The following SGCZ variants were observed in gnomAD, a reference collection of about 807,000 sequenced individuals.
SGCZ encodes the protein zeta-sarcoglycan.
A neutral mutation model predicts 41.3 loss-of-function variants in SGCZ; 40 were observed. The ratio of observed to expected loss-of-function variants is 0.97; its 90% CI spans 0.75 to 1.26. The LOEUF is 1.26. Ranked by LOEUF, SGCZ falls within the 50% of genes most tolerant of loss-of-function variation. SGCZ has a pLI of 0.00. For synonymous variants in SGCZ, 206 were observed against 137.5 expected (o/e 1.50, Z -3.49); for missense variants, 552 against 369.8 (o/e 1.49, Z -4.04).
At chr8:14,363,980 ACTC>A (rs1397081711) in intron 2 of SGCZ, among the ~76,000 whole-genome samples, 1 of 150,920 alleles carries the variant, frequency 6.6e-6, no homozygotes, top group Non-Finnish European at 1.5e-5. Flanking sequence ...ACATACTCCC[ACTC>A]CTCATTTTAT....
At chr8:14,174,957 C>A (rs1031543264) in intron 4 of SGCZ, among the ~76,000 whole-genome samples, 9 of 152,092 alleles carry the variant, frequency 5.9e-5, no homozygotes, top group Admixed American at 4.6e-4. Flanking sequence ...TTTGCAAGGA[C>A]AGGGGTCATA....
intron 1 of SGCZ, among the ~76,000 whole-genome samples, chr8:15,231,609 TC>T (rs1408558536): frequency 4.1e-5 from 6 of 146,576 alleles, no homozygotes; most frequent in African/African-American, 7.6e-5. Flanking sequence ...GTTAATATAT[TC>T]TTTTTTTTTT....
At chr8:14,100,993 C>G (rs73520341) in intron 7 of SGCZ, among the ~76,000 whole-genome samples, 1,738 of 152,004 alleles carry the variant, frequency 0.011, 43 homozygotes, top group African/African-American at 0.04. Context: ...CAGATTTACA[C>G]TGTCAAGAAC....
intron 1 of SGCZ, among the ~76,000 whole-genome samples, chr8:15,122,507 G>T (rs1807521374): frequency 6.6e-6 from 1 of 152,046 alleles, no homozygotes; most frequent in Admixed American, 6.6e-5. Context: ...TTTTACATGG[G>T]AAAGGATAAG....
chr8:15,044,134 A>G (rs1408711341), intron 1 of SGCZ, among the ~76,000 whole-genome samples: 1 of 152,168 alleles, frequency 6.6e-6, no homozygotes, highest in Non-Finnish European at 1.5e-5. Context: ...AAATGAATTT[A>G]TCCCCTAATT....
intron 2 of SGCZ, among the ~76,000 whole-genome samples, chr8:14,413,025 C>G (rs976072032): frequency 1.3e-5 from 2 of 151,700 alleles, no homozygotes; most frequent in Admixed American, 1.3e-4. Flanking sequence ...AGATTTTGCT[C>G]CAAAATTTTA....
chr8:14,503,060 G>C (rs1044066076), intron 2 of SGCZ, among the ~76,000 whole-genome samples: 1 of 152,184 alleles, frequency 6.6e-6, no homozygotes, highest in African/African-American at 2.4e-5. Flanking sequence ...GCCCATCAAT[G>C]ATAGACGGGA....
At chr8:14,898,152 A>G (rs1271386194) in intron 1 of SGCZ, among the ~76,000 whole-genome samples, 1 of 151,964 alleles carries the variant, frequency 6.6e-6, no homozygotes, top group Non-Finnish European at 1.5e-5. Flanking sequence ...GTCTCATTAC[A>G]TTGCCCAGGC....
intron 1 of SGCZ, among the ~76,000 whole-genome samples, chr8:14,994,982 T>G (rs1802162726): frequency 6.6e-6 from 1 of 152,238 alleles, no homozygotes; most frequent in Middle Eastern, 3.2e-3. Flanking sequence ...TTATGTGTTG[T>G]TCTTCTGTTG....
chr8:14,653,800 C>G (rs1023185353), intron 1 of SGCZ, among the ~76,000 whole-genome samples: 2 of 151,238 alleles, frequency 1.3e-5, no homozygotes, highest in Admixed American at 6.6e-5. Flanking sequence ...AATGAAAATC[C>G]ATTCATATTA....
At chr8:14,501,067 T>C (rs1343483474) in intron 2 of SGCZ, among the ~76,000 whole-genome samples, 3 of 152,022 alleles carry the variant, frequency 2.0e-5, no homozygotes, top group Non-Finnish European at 4.4e-5. Flanking sequence ...ATCAAGCTGT[T>C]AGTAGGGTTG....
At chr8:14,987,267 C>G (rs1801854667) in intron 1 of SGCZ, among the ~76,000 whole-genome samples, 1 of 151,814 alleles carries the variant, frequency 6.6e-6, no homozygotes, top group Non-Finnish European at 1.5e-5. Context: ...TACTGTGGCA[C>G]TACATCAAAA....
intron 2 of SGCZ, among the ~76,000 whole-genome samples, chr8:14,430,158 A>G (rs2117333571): frequency 6.6e-6 from 1 of 152,254 alleles, no homozygotes; most frequent in Non-Finnish European, 1.5e-5. Flanking sequence ...TATTCCCACA[A>G]GATAGAGAAA....
chr8:15,152,970 C>G (rs1314600929), intron 1 of SGCZ, among the ~76,000 whole-genome samples: 1 of 152,148 alleles, frequency 6.6e-6, no homozygotes, highest in African/African-American at 2.4e-5. Context: ...CCGCTTTGGA[C>G]TCTCCAAGCC....
intron 3 of SGCZ, among the ~76,000 whole-genome samples, chr8:14,289,998 C>A (rs768047529): frequency 4.6e-5 from 7 of 151,822 alleles, no homozygotes; most frequent in Non-Finnish European, 8.8e-5. Context: ...AACAGCAGAT[C>A]TTGTGAGAAC....
intron 4 of SGCZ, among the ~76,000 whole-genome samples, chr8:14,189,284 A>C (rs1219833570): frequency 6.6e-6 from 1 of 152,152 alleles, no homozygotes; most frequent in Non-Finnish European, 1.5e-5. Context: ...CTTCACACAG[A>C]AGCCAGAGTC....
At chr8:14,248,570 G>C (rs1799184377) in intron 3 of SGCZ, among the ~76,000 whole-genome samples, 1 of 151,920 alleles carries the variant, frequency 6.6e-6, no homozygotes, top group Non-Finnish European at 1.5e-5. Flanking sequence ...ACTTTTTAAA[G>C]GACATCATAT....
At chr8:14,861,387 T>G (rs1803741389) in intron 1 of SGCZ, among the ~76,000 whole-genome samples, 1 of 152,084 alleles carries the variant, frequency 6.6e-6, no homozygotes, top group African/African-American at 2.4e-5. Context: ...AGAATAGAGA[T>G]AACTTTGCAC....
At chr8:15,012,681 A>C (rs1385794019) in intron 1 of SGCZ, among the ~76,000 whole-genome samples, 1 of 117,656 alleles carries the variant, frequency 8.5e-6, no homozygotes, top group African/African-American at 3.6e-5. Context: ...TTATATATTT[A>C]TAATATAAAT....
Sources: gnomAD v4.1 joint callset for allele counts (sites outside exome capture counted in the v4.1 genomes callset) on GRCh38, gnomAD v4.1.1 for gene constraint, MANE v1.5 for transcripts, NCBI Gene and HGNC (gene_info 2026-07-23, HGNC 2026-07-21) for gene names.